MCFD2: variants seen among roughly 807,000 people sequenced by gnomAD.
MCFD2 encodes multiple coagulation factor deficiency 2, ER cargo receptor complex subunit.
A neutral mutation model predicts 12.8 loss-of-function variants in MCFD2; 11 were observed. The observed-to-expected ratio is 0.86, with a 90% CI of 0.54 to 1.42. The LOEUF is 1.42. Ranked by LOEUF, MCFD2 falls within the 40% of genes most tolerant of loss-of-function variation. The pLI, the probability that MCFD2 is intolerant of heterozygous loss-of-function variation, is 0.00. For missense variants in MCFD2, 191 were observed against 178.6 expected, an observed-to-expected ratio of 1.07 and a Z score of -0.40; for synonymous variants, 70 against 68.1, an observed-to-expected ratio of 1.03 and a Z score of -0.14.
At position 46,941,709 on chromosome 2, in the gene MCFD2, C is replaced by A. The variant is rs1670403655; in HGVS notation, c.-145G>T. 4 of 1,550,542 alleles carry A rather than the reference C, an allele frequency of 2.6e-6. No homozygotes were observed. Among genetic ancestry groups the A allele is most frequent in the Non-Finnish European group, 3.5e-6 (4 of 1,147,266 alleles). ...GGCGAGGCAGCCCGAGCGCAGCGTT[C>A]ACCTTTCCGGACACCGGTGAGTAAG... On this transcript the variant is annotated 5_prime_UTR_variant, in exon 1 of 3. Coordinates refer to the MCFD2 transcript ENST00000409147. The surrounding 1 kb of genome is among the most constrained non-coding windows in gnomAD (Gnocchi z 4.2).
Position 46,937,584 on chromosome 2 carries a change from G to A in MCFD2, c.-8+3988C>T, listed in dbSNP as rs1208614300. Among the ~76,000 whole-genome samples the A allele has an allele frequency of 6.6e-6, 1 of 152,142 alleles. No individual in the cohort carries two copies. The highest frequency in any genetic ancestry group is 2.4e-5 in the African/African-American group (1 of 41,432). On this transcript the variant is annotated intron_variant, in intron 1 of 2. Transcript: ENST00000409147. This position sits in a 1 kb window ranked among gnomAD's most constrained non-coding sequence, Gnocchi z 4.0. ...AAACATTGGATGAAAAAGTCAGAAT[G>A]GAAAACCCCCCAATGATGATTTTTT...
At chr2:46,927,576 G>A (rs1310980342) in intron 1 of MCFD2, among the ~76,000 whole-genome samples, 1 of 151,784 alleles carries the variant, frequency 6.6e-6, no homozygotes, top group African/African-American at 2.4e-5. Flanking sequence ...TAGCCAGGAT[G>A]GTCTCAATCT....
At chr2:46,915,644 C>T (rs1181207250) in intron 1 of MCFD2, 79 bp downstream of exon 1, 1 of 471,700 alleles carries the variant, frequency 2.1e-6, no homozygotes, top group Non-Finnish European at 2.8e-6. Flanking sequence ...TCCTGCCTCT[C>T]ATCTTGAGCC....
rs1001522101 is a variant in MCFD2, at chr2:46,908,693, A to G, written c.149+330T>C. On this transcript the variant is annotated intron_variant, in intron 2 of 3. Transcript: ENST00000319466. The surrounding 1 kb of genome is among the most constrained non-coding windows in gnomAD (Gnocchi z 4.5). ...TTGTTATAGTCAAGAAACCTTAGCT[A>G]TTTTCTGGATTCTGCTACTATGACT... 5.2e-6 allele frequency: 2 copies of G among 386,310 alleles called. No homozygotes were observed. The highest frequency in any genetic ancestry group is 5.7e-5 in the East Asian group (1 of 17,430). The allele number at this position is 386,310 out of a possible 1,614,324, so 23.9% of individuals were successfully genotyped here.
chr2:46,909,366 A>G (rs917239520), intron 1 of MCFD2, among the ~76,000 whole-genome samples, 189 bp from the exon 2 acceptor site: 2 of 152,174 alleles, frequency 1.3e-5, no homozygotes, highest in South Asian at 2.1e-4. Flanking sequence ...AAGTCACTCA[A>G]ATGGCAGGGG....
At chr2:46,921,923 G>C (rs941601399) in intron 1 of MCFD2, among the ~76,000 whole-genome samples, 1 of 152,216 alleles carries the variant, frequency 6.6e-6, no homozygotes, top group Non-Finnish European at 1.5e-5. Flanking sequence ...CGCCCACCCA[G>C]TGCTCACTTC....
At chr2:46,916,749 C>T (rs998665463), upstream of MCFD2, among the ~76,000 whole-genome samples, 2 of 152,196 alleles carry the variant, frequency 1.3e-5, no homozygotes, top group Non-Finnish European at 2.9e-5. Context: ...CTTCTCCTAC[C>T]TCAGCCTCCC....
At chr2:46,938,872 A>G (rs1670109361) in intron 1 of MCFD2, among the ~76,000 whole-genome samples, 2 of 151,980 alleles carry the variant, frequency 1.3e-5, no homozygotes. Context: ...TTAGCTGAGC[A>G]TGGTGGTGCA....
chr2:46,913,343 T>C (rs1668561968), intron 1 of MCFD2, among the ~76,000 whole-genome samples: 1 of 150,698 alleles, frequency 6.6e-6, no homozygotes, highest in Non-Finnish European at 1.5e-5. Flanking sequence ...AGCCCAGGAG[T>C]TCAAGACCAG....
intron 1 of MCFD2, among the ~76,000 whole-genome samples, chr2:46,927,884 GTTTTTTTT>G (rs566447236): frequency 1.4e-5 from 1 of 73,322 alleles, no homozygotes; most frequent in East Asian, 3.8e-4. Flanking sequence ...TTTTTTTGGT[GTTTTTTTT>G]TTTTTTTTTT....
intron 1 of MCFD2, among the ~76,000 whole-genome samples, chr2:46,923,090 T>G (rs1467521568): frequency 6.6e-6 from 1 of 152,236 alleles, no homozygotes; most frequent in African/African-American, 2.4e-5. Flanking sequence ...CCCATGGAGT[T>G]GGAGTGCACC....
In MCFD2 at chr2:46,927,893, T is replaced by G. The variant is rs960526357; in HGVS notation, c.-8+13679A>C. On this transcript the variant is annotated intron_variant, in intron 1 of 2. Transcript: ENST00000409147. ...TTGGGGTTTTTTTGGTGTTTTTTTTTTTTTTTTTTTTTTTTTTTGAGACAG... is the reference window on the plus strand; with the variant it reads ...TTGGGGTTTTTTTGGTGTTTTTTTTGTTTTTTTTTTTTTTTTTTGAGACAG... 3.4e-4 allele frequency among the ~76,000 whole-genome samples: 44 copies of G among 128,410 alleles called. No individual in the cohort carries two copies. In the East Asian group the frequency reaches 6.1e-3, roughly 18 times the overall value. 84.2% of individuals were successfully genotyped at this position (128,410 alleles called of 152,430 possible).
At position 46,908,883 on chromosome 2, in the gene MCFD2, G is replaced by C; in HGVS notation, c.149+140C>G. ...ATACCTGACTTATAGGTGGCAATAA[G>C]GAATAAGAATCATCCTTGAAGAATG... On this transcript the variant is annotated intron_variant, in intron 2 of 3. Transcript: ENST00000319466. The surrounding 1 kb of genome is among the most constrained non-coding windows in gnomAD (Gnocchi z 4.5). The C allele has an allele frequency of 8.8e-7, 1 of 1,140,846 alleles. No homozygotes were observed. The highest frequency in any genetic ancestry group is 1.3e-6 in the Non-Finnish European group (1 of 763,030). The allele number at this position is 1,140,846 out of a possible 1,614,324, so 70.7% of individuals were successfully genotyped here. A position where few individuals can be genotyped will look rare whatever the true frequency, so the allele number is the denominator to read the frequency against.
intron 1 of MCFD2, among the ~76,000 whole-genome samples, chr2:46,931,777 G>C (rs1007094249): frequency 1.3e-5 from 2 of 152,098 alleles, no homozygotes; most frequent in African/African-American, 2.4e-5. Context: ...AAGAAATGCA[G>C]CTCTGCCAAC....
chr2:46,907,717 C>T lies in MCFD2; in HGVS notation c.309+93G>A. 7.3e-7 allele frequency: 1 copy of T among 1,376,554 alleles called. No individual in the cohort carries two copies. Among genetic ancestry groups the T allele is most frequent in the South Asian group, 1.2e-5 (1 of 85,310 alleles). 85.3% of individuals were successfully genotyped at this position (1,376,554 alleles called of 1,614,324 possible). A position where few individuals can be genotyped will look rare whatever the true frequency, so the allele number is the denominator to read the frequency against. Reference sequence around the variant, plus strand: ...CAGTGGAGAAGCAGCACTCTTGGCACATAAGGACAACACAAGTCAACAAGA... The same window carrying T: ...CAGTGGAGAAGCAGCACTCTTGGCATATAAGGACAACACAAGTCAACAAGA... On this transcript the variant is annotated intron_variant, in intron 3 of 3. Transcript: ENST00000319466. The surrounding 1 kb of genome is among the most constrained non-coding windows in gnomAD (Gnocchi z 4.1).
chr2:46,909,319 C>G, intron 1 of MCFD2, 142 bp from the exon 2 acceptor site: 1 of 1,000,506 alleles, frequency 1.0e-6, no homozygotes, highest in South Asian at 1.5e-5. Flanking sequence ...CCAATGCCAG[C>G]TCTGCTTTGA....
In MCFD2 at chr2:46,923,441, G is replaced by A. The variant is rs547737094; in HGVS notation, c.-7-15472C>T. On this transcript the variant is annotated intron_variant, in intron 1 of 2. Coordinates refer to the MCFD2 transcript ENST00000409147. ...TGTGGAGTCTTTAAGGATTGTAGGA[G>A]TTGTATGCTAGAAAACAGGGTCAAA... Among the ~76,000 whole-genome samples, 7 of 152,328 alleles carry A rather than the reference G, an allele frequency of 4.6e-5. No homozygotes were observed. The South Asian group carries it at 1.4e-3, about 32-fold the overall frequency.
At chr2:46,906,286 A>G (rs911652581) in intron 3 of MCFD2, among the ~76,000 whole-genome samples, 6 of 151,936 alleles carry the variant, frequency 3.9e-5, no homozygotes, top group African/African-American at 1.2e-4. Flanking sequence ...GTCTCCCACA[A>G]CCAAGGATCT....
Position 46,905,040 on chromosome 2 carries a change from CA to C in MCFD2, c.*422del. On this transcript the variant is annotated 3_prime_UTR_variant, in exon 4 of 4. Coordinates refer to ENST00000319466, the MANE Select transcript of MCFD2 (RefSeq NM_139279.6). ...AGTTTCACAAGATCTGATGGCTTAT[CA>C]GGGGTTTCCACTTTTGCTTCTTCCT... The C allele has an allele frequency of 3.3e-6, 1 of 304,280 alleles. No individual in the cohort carries two copies. The highest frequency in any genetic ancestry group is 6.2e-6 in the Non-Finnish European group (1 of 161,096). 18.8% of individuals were successfully genotyped at this position (304,280 alleles called of 1,614,324 possible). A position where few individuals can be genotyped will look rare whatever the true frequency, so the allele number is the denominator to read the frequency against.
Sources: gnomAD v4.1 joint callset for allele counts (sites outside exome capture counted in the v4.1 genomes callset) on GRCh38, gnomAD v4.1.1 for gene constraint, Gnocchi (gnomAD v3.1) non-coding constraint, MANE v1.5 for transcripts, NCBI Gene and HGNC (gene_info 2026-07-23, HGNC 2026-07-21) for gene names.